CSGALNACT1: variants seen among roughly 807,000 people sequenced by gnomAD.
The protein encoded by CSGALNACT1 is beta4GalNAcT-1.
In CSGALNACT1, 52 loss-of-function variants were observed where a neutral mutation model predicts 51.0. The observed-to-expected ratio is 1.02, with a 90% CI of 0.82 to 1.29. The LOEUF is 1.29. Among genes scored for constraint, CSGALNACT1 ranks in the 50% most tolerant of loss-of-function variants. The probability of loss-of-function intolerance (pLI) is 0.00; values close to 1 mark genes in which losing one functional copy is unlikely to be tolerated. For missense variants in CSGALNACT1, 935 were observed against 679.2 expected, an observed-to-expected ratio of 1.38 and a Z score of -4.19; for synonymous variants, 341 against 254.4, an observed-to-expected ratio of 1.34 and a Z score of -3.24.
intron 4 of CSGALNACT1, among the ~76,000 whole-genome samples, chr8:19,490,707 C>G (rs1274407973): frequency 6.6e-6 from 1 of 152,162 alleles, no homozygotes; most frequent in African/African-American, 2.4e-5. Flanking sequence ...TGAGGCTTTG[C>G]TGTAACTTCT....
At chr8:19,500,117 G>C (rs1018690924) in intron 4 of CSGALNACT1, among the ~76,000 whole-genome samples, 4 of 152,208 alleles carry the variant, frequency 2.6e-5, no homozygotes, top group South Asian at 2.1e-4. Context: ...GGCCTGGTGA[G>C]AGAGGAACCT....
At chr8:19,631,154 C>T (rs2055199861) in intron 1 of CSGALNACT1, among the ~76,000 whole-genome samples, 1 of 152,142 alleles carries the variant, frequency 6.6e-6, no homozygotes, top group Non-Finnish European at 1.5e-5. Flanking sequence ...AATAAAGTTG[C>T]TATAAGCATT....
chr8:19,519,604 GC>G (rs1240969538), intron 3 of CSGALNACT1, among the ~76,000 whole-genome samples: 1 of 152,174 alleles, frequency 6.6e-6, no homozygotes, highest in African/African-American at 2.4e-5. Flanking sequence ...CTCGTGAAGT[GC>G]CAAATCATGC....
intron 3 of CSGALNACT1, among the ~76,000 whole-genome samples, chr8:19,547,128 G>A (rs2086660244): frequency 6.6e-6 from 1 of 152,138 alleles, no homozygotes; most frequent in African/African-American, 2.4e-5. Flanking sequence ...AAGAAAAAAA[G>A]GCCAGGACAC....
At chr8:19,626,194 C>G (rs1267221471) in intron 1 of CSGALNACT1, among the ~76,000 whole-genome samples, 3 of 152,134 alleles carry the variant, frequency 2.0e-5, no homozygotes, top group Non-Finnish European at 2.9e-5. Context: ...TAGTAATCAA[C>G]ACAGCATGGT....
chr8:19,631,942 G>A (rs1335034452), intron 1 of CSGALNACT1, among the ~76,000 whole-genome samples: 2 of 152,160 alleles, frequency 1.3e-5, no homozygotes, highest in South Asian at 2.1e-4. Flanking sequence ...CATTTTTTAT[G>A]CAATCTGGGA....
rs1422248108 is a variant in CSGALNACT1 at position 19,514,510 on chromosome 8, T to TATAC, written c.-296-8381_-296-8380insGTAT. Among the ~76,000 whole-genome samples the TATAC allele has an allele frequency of 2.3e-4, 31 of 133,050 alleles. 1 individual carries two copies. Among genetic ancestry groups the TATAC allele is most frequent in the Non-Finnish European group, 4.2e-4 (26 of 61,850 alleles). The allele number at this position is 133,050 out of a possible 152,430, so 87.3% of individuals were successfully genotyped here. Reference sequence around the variant, plus strand: ...ATATATATATATATATATATATATATACATGTATCTATTTAAAAATTATAT... The same window carrying TATAC: ...ATATATATATATATATATATATATATATACACATGTATCTATTTAAAAATTATAT... On this transcript the variant is annotated intron_variant, in intron 3 of 9. Transcript: ENST00000454498.
At chr8:19,723,325 G>T (rs1378616784) in intron 1 of CSGALNACT1, among the ~76,000 whole-genome samples, 1 of 152,190 alleles carries the variant, frequency 6.6e-6, no homozygotes, top group Non-Finnish European at 1.5e-5. Context: ...AAGACAAGTG[G>T]GCCGTAATAG....
chr8:19,501,327 C>G (rs945324510), intron 4 of CSGALNACT1, among the ~76,000 whole-genome samples: 3 of 151,648 alleles, frequency 2.0e-5, no homozygotes, highest in African/African-American at 7.3e-5. Flanking sequence ...GCCTTAATCC[C>G]TTATATATAT....
Position 19,504,238 on chromosome 8 carries a change from G to A in CSGALNACT1, c.634+963C>T, listed in dbSNP as rs777616845. On this transcript the variant is annotated intron_variant, in intron 4 of 9. Coordinates refer to ENST00000454498, the Ensembl canonical transcript of CSGALNACT1. ...TCTACAGGCGCCCGCCACCAGGCCC[G>A]GCTAATTTTTTGTATTTTTAGTAGA... 8.5e-5 allele frequency among the ~76,000 whole-genome samples: 13 copies of A among 152,150 alleles called. No individual in the cohort carries two copies. The South Asian group carries it at 1.0e-3, about 12-fold the overall frequency.
At chr8:19,466,237 G>C (rs1172106619) in intron 4 of CSGALNACT1, among the ~76,000 whole-genome samples, 2 of 152,128 alleles carry the variant, frequency 1.3e-5, no homozygotes, top group African/African-American at 4.8e-5. Context: ...ATACTGTCAG[G>C]CAACCAACTG....
intron 1 of CSGALNACT1, among the ~76,000 whole-genome samples, chr8:19,710,862 T>C (rs1010503537): frequency 2.0e-5 from 3 of 152,188 alleles, no homozygotes; most frequent in Non-Finnish European, 4.4e-5. Context: ...ACAGCCTAGA[T>C]TGTCTCTTTC....
chr8:19,668,741 T>TG (rs772836154), intron 1 of CSGALNACT1, among the ~76,000 whole-genome samples: 2 of 152,098 alleles, frequency 1.3e-5, no homozygotes, highest in African/African-American at 4.8e-5. Flanking sequence ...TATTAGGAGA[T>TG]GGGGTCTCAC....
intron 4 of CSGALNACT1, among the ~76,000 whole-genome samples, chr8:19,498,513 G>A (rs2075862717): frequency 6.6e-6 from 1 of 152,146 alleles, no homozygotes; most frequent in Non-Finnish European, 1.5e-5. Flanking sequence ...TAAGCCTGCA[G>A]CAGCTTCAAC....
chr8:19,573,140 C>T (rs557902528), intron 3 of CSGALNACT1, among the ~76,000 whole-genome samples: 1 of 152,292 alleles, frequency 6.6e-6, no homozygotes, highest in Admixed American at 6.5e-5. Context: ...TTACTTTGAT[C>T]TCAAGACATG....
chr8:19,676,083 T>TAAAAA (rs1564404826), intron 1 of CSGALNACT1, among the ~76,000 whole-genome samples: 4 of 59,098 alleles, frequency 6.8e-5, no homozygotes, highest in African/African-American at 1.9e-4. Flanking sequence ...GTTGTCTGAT[T>TAAAAA]TAAAAAACAA....
chr8:19,615,195 T>A (rs2052827533), intron 1 of CSGALNACT1, among the ~76,000 whole-genome samples: 1 of 152,168 alleles, frequency 6.6e-6, no homozygotes. Context: ...TCCCAGCTAC[T>A]CGGAGGTTGA....
At chr8:19,726,741 G>A (rs2063422543) in intron 1 of CSGALNACT1, among the ~76,000 whole-genome samples, 2 of 152,132 alleles carry the variant, frequency 1.3e-5, no homozygotes, top group Admixed American at 6.5e-5. Context: ...ACAATGGAAG[G>A]AAAACATCAA....
chr8:19,712,285 A>G (rs1482250632), intron 1 of CSGALNACT1, among the ~76,000 whole-genome samples: 1 of 152,086 alleles, frequency 6.6e-6, no homozygotes, highest in Non-Finnish European at 1.5e-5. Flanking sequence ...TCAGCCTCCC[A>G]AAGTGCTGGG....
Sources: gnomAD v4.1 joint callset for allele counts (sites outside exome capture counted in the v4.1 genomes callset) on GRCh38, gnomAD v4.1.1 for gene constraint, MANE v1.5 for transcripts, NCBI Gene and HGNC (gene_info 2026-07-23, HGNC 2026-07-21) for gene names.